SZT2: variants seen among roughly 807,000 people sequenced by gnomAD.
SZT2 encodes the protein KICSTOR complex protein SZT2.
SZT2 carries 216 observed loss-of-function variants against 404.2 expected under a neutral mutation model. The observed-to-expected ratio is 0.53, with a 90% CI of 0.48 to 0.60. The LOEUF is 0.60. Ranked by LOEUF, SZT2 falls within the 20% of genes least tolerant of loss-of-function variation. SZT2 has a pLI of 0.00. For synonymous variants in SZT2, 1,693 were observed against 1,749.9 expected (o/e 0.97, Z 0.81); for missense variants, 3,857 against 4,459.2 (o/e 0.86, Z 3.85).
At chr1:43,449,479 T>A (rs1656113836) in intron 70 of SZT2, 1 of 162,516 alleles carries the variant, frequency 6.2e-6, no homozygotes. Flanking sequence ...TGTCGGCGGT[T>A]GTGAATGGAG....
Position 43,427,129 on chromosome 1 carries a change from T to C in SZT2, c.3383T>C (p.Leu1128Pro). 6.2e-7 allele frequency: 1 copy of C among 1,614,224 alleles called. No homozygotes were observed. Among genetic ancestry groups the C allele is most frequent in the Non-Finnish European group, 8.5e-7 (1 of 1,180,036 alleles). The change falls in exon 24 of 72, where the codon CTT (leucine) becomes CCT (proline). Residue 1128 changes from leucine (L) to proline (P), a missense_variant. Around this residue, in one of 7 missense-constraint regions of SZT2, gnomAD observed 1,725 missense variants for 1,881.0 expected, o/e 0.92. Coordinates refer to ENST00000634258, the MANE Select transcript of SZT2 (RefSeq NM_001365999.1). ...CCTCAGTGGCGCTGCTATGCAAGGCTTGTGAACCCCCAGCATGTGTTTCTG... is the reference window on the plus strand; with the variant it reads ...CCTCAGTGGCGCTGCTATGCAAGGCCTGTGAACCCCCAGCATGTGTTTCTG... ...QPPQWRCYARLVNPQHVFLTF... is the reference protein window; with the variant it reads ...QPPQWRCYARPVNPQHVFLTF...
At position 43,446,192 on chromosome 1, in the gene SZT2, C is replaced by A. The variant is rs761830930; in HGVS notation, c.8930C>A (p.Pro2977Gln). 236 of 1,614,086 alleles carry A rather than the reference C, an allele frequency of 1.5e-4. No individual in the cohort carries two copies. The highest frequency in any genetic ancestry group is 2.0e-4 in the Non-Finnish European group (232 of 1,180,048). The change falls in exon 64 of 72, where the codon CCG (proline) becomes CAG (glutamine). Residue 2977 changes from proline to glutamine, a missense_variant. Pro to Gln is a moderately conservative substitution (Grantham distance 76). Transcript: ENST00000634258. ...TTGTTTCTTCAGAGCACTAGCTCTC[C>A]GGTAACCACCTACCACCTGCAGCGG... ...TDGSPKSTSSPVTTYHLQRAL... is the reference protein window; with the variant it reads ...TDGSPKSTSSQVTTYHLQRAL...
chr1:43,453,963 G>T lies in SZT2; in HGVS notation c.*3483G>T. On this transcript the variant is annotated 3_prime_UTR_variant, in exon 72 of 72. Transcript: ENST00000634258. ...AAAAACCCGGGCCTTCACGAAAAGC[G>T]CCTACGGTTAGCGAGAGAGGGATCA... 8.4e-7 allele frequency: 1 copy of T among 1,195,518 alleles called. No homozygotes were observed. The highest frequency in any genetic ancestry group is 1.0e-6 in the Non-Finnish European group (1 of 964,856). 74.1% of individuals were successfully genotyped at this position (1,195,518 alleles called of 1,614,324 possible).
In SZT2 at chr1:43,439,239, G is replaced by A. The variant is rs1158796238; in HGVS notation, c.6793-119G>A. On this transcript the variant is annotated intron_variant, in intron 48 of 71. Coordinates refer to ENST00000634258, the MANE Select transcript of SZT2 (RefSeq NM_001365999.1). The surrounding 1 kb of genome is among the most constrained non-coding windows in gnomAD (Gnocchi z 4.2). ...GCCCCCCCGGGGACCATTATTACCC[G>A]CCTGTGTCTTCTCATGCTCCCATAT... 42 of 1,514,170 alleles carry A rather than the reference G, an allele frequency of 2.8e-5. No individual in the cohort carries two copies. Among genetic ancestry groups the A allele is most frequent in the Middle Eastern group, 1.8e-4 (1 of 5,694 alleles). The allele number at this position is 1,514,170 out of a possible 1,614,324, so 93.8% of individuals were successfully genotyped here. A position where few individuals can be genotyped will look rare whatever the true frequency, so the allele number is the denominator to read the frequency against.
At chr1:43,428,976 G>A (rs542988262) in intron 28 of SZT2, 75 of 166,568 alleles carry the variant, frequency 4.5e-4, no homozygotes, top group African/African-American at 1.7e-3. Flanking sequence ...CAGTGTGTTA[G>A]CGTTGGGGAA....
chr1:43,421,148 G>A lies in SZT2; in HGVS notation c.1497-26G>A, dbSNP rs1040017057. 10 of 1,597,732 alleles carry A rather than the reference G, an allele frequency of 6.3e-6. No homozygotes were observed. The African/African-American group carries it at 6.7e-5, about 11-fold the overall frequency. On this transcript the variant is annotated intron_variant, in intron 10 of 71. Transcript: ENST00000634258. ...TCTGCACCCAGCAGAGTCAGATATG[G>A]CTCAGGCCTGGCCCTTATTCTACAG...
At chr1:43,421,795 C>T (rs1237985196) in intron 11 of SZT2, among the ~76,000 whole-genome samples, 1 of 152,328 alleles carries the variant, frequency 6.6e-6, no homozygotes, top group Non-Finnish European at 1.5e-5. Flanking sequence ...GGTCCTGCCA[C>T]CATTTAGGGG....
In SZT2 at chr1:43,448,622, T is replaced by A; in HGVS notation, c.9980T>A (p.Leu3327Gln). ...TGGCTCCTCCCTCAGGACTGCTTCC[T>A]ATCCATGACGGTCTCCTGGTACCAG... ...GDIDPQLDCF[L>Q]SMTVSWYQSL... is the part of the protein sequence containing the mutation. Residue 3327 changes from leucine (L) to glutamine (Q), a missense_variant, in exon 70 of 72, where the codon CTA becomes CAA. Coordinates refer to ENST00000634258, the MANE Select transcript of SZT2 (RefSeq NM_001365999.1). The surrounding 1 kb of genome is among the most constrained non-coding windows in gnomAD (Gnocchi z 4.2). 6.2e-7 allele frequency: 1 copy of A among 1,614,168 alleles called. No homozygotes were observed. Among genetic ancestry groups the A allele is most frequent in the Non-Finnish European group, 8.5e-7 (1 of 1,180,020 alleles).
chr1:43,407,033 A>G (rs945907105), intron 4 of SZT2: 1 of 152,232 alleles, frequency 6.6e-6, no homozygotes, highest in Admixed American at 6.5e-5. Context: ...AATATGGAGG[A>G]TGGATTTGGG....
rs553713257 is a variant in SZT2, at chr1:43,451,797, C to A, written c.*1317C>A. 3.1e-6 allele frequency: 5 copies of A among 1,614,138 alleles called. No homozygotes were observed. In the South Asian group the frequency reaches 3.3e-5, roughly 11 times the overall value. ...TCTGCGAAGTACCCCCTTCCACTTA[C>A]CATTTGTAATTGGAGGTTGGGTCTT... On this transcript the variant is annotated 3_prime_UTR_variant, in exon 72 of 72. Coordinates refer to ENST00000634258, the MANE Select transcript of SZT2 (RefSeq NM_001365999.1).
rs772535898 is a variant in SZT2 at position 43,431,384 on chromosome 1, T to G, written c.5024+12T>G. ...CCAGAAGAGGAGAGGTACTTCTTTA[T>G]CTCCCTGTCAGAGTTCATTACTGCT... On this transcript the variant is annotated intron_variant, in intron 34 of 71. Transcript: ENST00000634258. The G allele has an allele frequency of 1.9e-6, 3 of 1,612,400 alleles. No homozygotes were observed. The highest frequency in any genetic ancestry group is 2.5e-6 in the Non-Finnish European group (3 of 1,178,588).
In SZT2 at chr1:43,437,713, C is replaced by T; in HGVS notation, c.6396+13C>T. The T allele has an allele frequency of 6.2e-7, 1 of 1,614,142 alleles. No homozygotes were observed. The highest frequency in any genetic ancestry group is 8.5e-7 in the Non-Finnish European group (1 of 1,179,994). The stretch of plus-strand genomic sequence containing the variant: ...TGAGGAAGCCTCGGCATGTATCACT[C>T]CCACTCTCTGATGCCCCTGTGTTCC... On this transcript the variant is annotated intron_variant, in intron 45 of 71. Transcript: ENST00000634258. This position sits in a 1 kb window ranked among gnomAD's most constrained non-coding sequence, Gnocchi z 5.3.
At chr1:43,404,193 C>A in intron 3 of SZT2, 187 bp from the exon 4 acceptor site, 1 of 592,308 alleles carries the variant, frequency 1.7e-6, no homozygotes, top group Non-Finnish European at 2.9e-6. Context: ...GGCAACAAAG[C>A]AAGACCCTGG....
rs1653734625 is a variant in SZT2, at chr1:43,430,481, G to A, written c.4481-15G>A. The A allele has an allele frequency of 1.2e-6, 2 of 1,612,116 alleles. No homozygotes were observed. The highest frequency in any genetic ancestry group is 1.7e-6 in the Non-Finnish European group (2 of 1,178,532). Reference sequence around the variant, plus strand: ...TGCCAGCCTCTCTCATTGACCATGTGACATGCACTACTAGGAGACACATCT... The same window carrying A: ...TGCCAGCCTCTCTCATTGACCATGTAACATGCACTACTAGGAGACACATCT... On this transcript the variant is annotated splice_polypyrimidine_tract_variant and intron_variant, in intron 31 of 71. Coordinates refer to ENST00000634258, the MANE Select transcript of SZT2 (RefSeq NM_001365999.1).
At chr1:43,436,203 C>T (rs1307283603) in intron 42 of SZT2, 3 of 152,312 alleles carry the variant, frequency 2.0e-5, no homozygotes, top group African/African-American at 7.2e-5. Flanking sequence ...TAAAATCAGA[C>T]CACTCCTTAT....
intron 4 of SZT2, among the ~76,000 whole-genome samples, chr1:43,411,235 GCA>G (rs1164280475): frequency 5.3e-5 from 8 of 152,196 alleles, no homozygotes; most frequent in African/African-American, 1.9e-4. Flanking sequence ...TTCATGGAGG[GCA>G]CTGCCCCTTG....
In SZT2 at chr1:43,415,089, T is replaced by C. The variant is rs1345616008; in HGVS notation, c.506T>C (p.Val169Ala). ...TTCCCATGTGCTTCTTAGGTGCTGG[T>C]ACAGGGCTGCCTCTTGGACCCTTCC... is the stretch of plus-strand genomic sequence containing the variant. The part of the protein sequence containing the change: ...IIGLQSHQVL[V>A]QGCLLDPSQR... Residue 169 changes from valine (V) to alanine (A), a missense_variant, in exon 5 of 72, where the codon GTA (valine) becomes GCA (alanine). Around this residue, in one of 7 missense-constraint regions of SZT2, gnomAD observed 536 missense variants for 637.4 expected, o/e 0.84. Transcript: ENST00000634258. The C allele has an allele frequency of 6.3e-7, 1 of 1,597,936 alleles. No homozygotes were observed. Among genetic ancestry groups the C allele is most frequent in the Non-Finnish European group, 8.5e-7 (1 of 1,179,458 alleles).
At chr1:43,431,164 T>C in intron 33 of SZT2, 74 bp downstream of exon 33, 2 of 1,581,624 alleles carry the variant, frequency 1.3e-6, no homozygotes, top group East Asian at 2.2e-5. Flanking sequence ...TCTAGAGCAC[T>C]TGGGGACTAA....
intron 40 of SZT2, among the ~76,000 whole-genome samples, chr1:43,433,439 TAAC>T (rs1654138405): frequency 4.6e-5 from 7 of 152,214 alleles, no homozygotes; most frequent in African/African-American, 1.7e-4. Context: ...CGCTGAGCAT[TAAC>T]AACATCTAAG....
Sources: gnomAD v4.1 joint callset for allele counts (sites outside exome capture counted in the v4.1 genomes callset) on GRCh38, gnomAD v4.1.1 for gene constraint, gnomAD v4.1.1 regional missense constraint, Gnocchi (gnomAD v3.1) non-coding constraint, MANE v1.5 for transcripts, NCBI Gene and HGNC (gene_info 2026-07-23, HGNC 2026-07-21) for gene names.